Variants in CDH12 observed in about 807,000 individuals in gnomAD.
CDH12 encodes cadherin-12.
A neutral mutation model predicts 74.1 loss-of-function variants in CDH12; 41 were observed. The ratio of observed to expected loss-of-function variants is 0.55; its 90% CI spans 0.43 to 0.72. The LOEUF (loss-of-function observed/expected upper bound fraction) is 0.72. CDH12 is among the 30% of genes least tolerant of loss of function. The pLI, the probability that CDH12 is intolerant of heterozygous loss-of-function variation, is 0.00. For synonymous variants in CDH12, 399 were observed against 355.0 expected, an observed-to-expected ratio of 1.12 and a Z score of -1.39; for missense variants, 945 against 977.2, an observed-to-expected ratio of 0.97 and a Z score of 0.44.
chr5:22,056,005 G>A (rs1253749449), intron 5 of CDH12, among the ~76,000 whole-genome samples: 1 of 151,624 alleles, frequency 6.6e-6, no homozygotes, highest in Non-Finnish European at 1.5e-5. Flanking sequence ...AGTCTTTTTT[G>A]CATTTCTTCT....
intron 5 of CDH12, among the ~76,000 whole-genome samples, chr5:22,025,478 G>T (rs1738285821): frequency 1.3e-5 from 2 of 152,110 alleles, no homozygotes; most frequent in Admixed American, 1.3e-4. Context: ...CTAAAAAAAT[G>T]CTAATGATCA....
At chr5:22,030,950 C>A (rs1332411834) in intron 5 of CDH12, among the ~76,000 whole-genome samples, 1 of 152,174 alleles carries the variant, frequency 6.6e-6, no homozygotes, top group Admixed American at 6.6e-5. Flanking sequence ...CTCCTAGCTG[C>A]AGACTTTTTC....
intron 9 of CDH12, among the ~76,000 whole-genome samples, chr5:21,807,650 G>T (rs1326894665): frequency 6.6e-6 from 1 of 152,094 alleles, no homozygotes; most frequent in African/African-American, 2.4e-5. Context: ...AGTGGAAATG[G>T]ATAGCTATGG....
chr5:22,771,491 T>C (rs1746802633), intron 1 of CDH12, among the ~76,000 whole-genome samples: 1 of 151,950 alleles, frequency 6.6e-6, no homozygotes, highest in Non-Finnish European at 1.5e-5. Flanking sequence ...AGAAAACTGA[T>C]AAAGGATGGG....
intron 3 of CDH12, among the ~76,000 whole-genome samples, chr5:22,262,640 A>G (rs1753562031): frequency 6.6e-6 from 1 of 151,086 alleles, no homozygotes; most frequent in Non-Finnish European, 1.5e-5. Flanking sequence ...CAGTAATGGG[A>G]TGGCTGGGTC....
chr5:22,294,351 G>A (rs1737531219), intron 3 of CDH12, among the ~76,000 whole-genome samples: 1 of 152,130 alleles, frequency 6.6e-6, no homozygotes. Context: ...ATTTAACAGA[G>A]ACTTAAGAAC....
At chr5:22,339,019 G>C (rs1268605764) in intron 3 of CDH12, among the ~76,000 whole-genome samples, 2 of 152,154 alleles carry the variant, frequency 1.3e-5, no homozygotes, top group Non-Finnish European at 2.9e-5. Context: ...AGGACTTAGA[G>C]TTCTATAAAG....
At chr5:21,961,328 T>C (rs1756354598) in intron 6 of CDH12, among the ~76,000 whole-genome samples, 1 of 152,150 alleles carries the variant, frequency 6.6e-6, no homozygotes, top group African/African-American at 2.4e-5. Context: ...TTCTCTGGTA[T>C]TAGCCAGCTA....
At chr5:22,234,155 C>T (rs1313167614) in intron 3 of CDH12, among the ~76,000 whole-genome samples, 1 of 152,020 alleles carries the variant, frequency 6.6e-6, no homozygotes, top group East Asian at 1.9e-4. Context: ...TTTTGAATAT[C>T]TAGTTAAATA....
At chr5:21,978,534 G>A (rs1757165844) in intron 5 of CDH12, among the ~76,000 whole-genome samples, 1 of 151,988 alleles carries the variant, frequency 6.6e-6, no homozygotes, top group Admixed American at 6.6e-5. Context: ...CATTTATATT[G>A]ATGTATATTT....
At chr5:22,408,983 A>G (rs1743067629) in intron 2 of CDH12, among the ~76,000 whole-genome samples, 1 of 152,040 alleles carries the variant, frequency 6.6e-6, no homozygotes, top group Admixed American at 6.6e-5. Flanking sequence ...TAAGTATTAA[A>G]CCATATGCTG....
At chr5:21,825,755 C>T (rs962089073) in intron 8 of CDH12, among the ~76,000 whole-genome samples, 2 of 152,160 alleles carry the variant, frequency 1.3e-5, no homozygotes, top group Non-Finnish European at 2.9e-5. Context: ...CTTGGCTATT[C>T]CCTGTTTTCT....
At chr5:22,312,358 T>C (rs1348162937) in intron 3 of CDH12, among the ~76,000 whole-genome samples, 5 of 152,172 alleles carry the variant, frequency 3.3e-5, no homozygotes, top group Admixed American at 1.3e-4. Context: ...AATGAAAGCA[T>C]TAGTTAAAAT....
At chr5:22,478,314 A>T (rs1474937844) in intron 2 of CDH12, among the ~76,000 whole-genome samples, 1 of 144,686 alleles carries the variant, frequency 6.9e-6, no homozygotes, top group Non-Finnish European at 1.5e-5. Flanking sequence ...GCTACTCGGG[A>T]GGCTGAGGCA....
At chr5:22,636,289 C>G (rs1738836745) in intron 1 of CDH12, among the ~76,000 whole-genome samples, 1 of 152,104 alleles carries the variant, frequency 6.6e-6, no homozygotes, top group Non-Finnish European at 1.5e-5. Flanking sequence ...AGTTGCCTAT[C>G]ATATAACCAA....
At chr5:22,151,843 G>A (rs1006685566) in intron 4 of CDH12, 16 of 152,028 alleles carry the variant, frequency 1.1e-4, no homozygotes, top group Admixed American at 9.2e-4. Flanking sequence ...AAAATAAAAC[G>A]TTTCTGGTTT....
chr5:22,001,209 A>G (rs1736581595), intron 5 of CDH12, among the ~76,000 whole-genome samples: 1 of 152,190 alleles, frequency 6.6e-6, no homozygotes, highest in African/African-American at 2.4e-5. Context: ...TATTTTAAGC[A>G]ATGTCTTTAA....
chr5:22,037,108 C>A (rs1012060508), intron 5 of CDH12, among the ~76,000 whole-genome samples: 2 of 152,072 alleles, frequency 1.3e-5, no homozygotes, highest in African/African-American at 4.8e-5. Flanking sequence ...AAGAAAATGG[C>A]GGCAAGCCGT....
chr5:22,267,470 C>T (rs1580463055), intron 3 of CDH12, among the ~76,000 whole-genome samples: 1 of 152,068 alleles, frequency 6.6e-6, no homozygotes, highest in East Asian at 1.9e-4. Flanking sequence ...ATTTCATGTC[C>T]CTGAATAGGA....
Sources: allele counts gnomAD v4.1 joint callset (sites outside exome capture counted in the v4.1 genomes callset), GRCh38; gene constraint gnomAD v4.1.1; transcripts MANE v1.5; gene names NCBI Gene and HGNC (gene_info 2026-07-23, HGNC 2026-07-21).